BLOC1S1: variants seen among roughly 807,000 people sequenced by gnomAD.
The protein encoded by BLOC1S1 is biogenesis of lysosome-related organelles complex 1 subunit 1.
In BLOC1S1, 11 loss-of-function variants were observed where a neutral mutation model predicts 19.0. The ratio of observed to expected loss-of-function variants is 0.58; its 90% CI spans 0.37 to 0.96. The LOEUF is 0.96. Ranked by LOEUF, BLOC1S1 falls within the 40% of genes least tolerant of loss-of-function variation. BLOC1S1 has a pLI of 0.01. For synonymous variants in BLOC1S1, 94 were observed against 76.4 expected, an observed-to-expected ratio of 1.23 and a Z score of -1.20; for missense variants, 220 against 195.9, an observed-to-expected ratio of 1.12 and a Z score of -0.73.
intron 2 of BLOC1S1, among the ~76,000 whole-genome samples, chr12:55,717,661 C>T (rs577138814): frequency 6.6e-6 from 1 of 152,292 alleles, no homozygotes; most frequent in Admixed American, 6.5e-5. Flanking sequence ...AGTATGGTAC[C>T]TTCCACCCCA....
intron 1 of BLOC1S1, chr12:55,716,688 G>T: frequency 7.6e-7 from 1 of 1,308,340 alleles, no homozygotes; most frequent in African/African-American, 1.5e-5. Context: ...GGAGTCCTGG[G>T]CGCTGCCGCT....
chr12:55,718,954 T>C, intron 2 of BLOC1S1, 137 bp from the exon 3 acceptor site: 6 of 1,098,094 alleles, frequency 5.5e-6, no homozygotes, highest in Non-Finnish European at 7.7e-6. Flanking sequence ...CTGGTAGTCA[T>C]TTGCATCACA....
In BLOC1S1 at chr12:55,716,159, ACAC is replaced by A. The variant is rs1457325441; in HGVS notation, c.111_113del (p.His37del). 3 of 1,612,588 alleles carry A rather than the reference ACAC, an allele frequency of 1.9e-6. No individual in the cohort carries two copies. In the Admixed American group the frequency reaches 5.0e-5, roughly 27 times the overall value. On this transcript the variant is annotated inframe_deletion, in exon 1 of 4. Coordinates refer to ENST00000548925, the MANE Select transcript of BLOC1S1 (RefSeq NM_001487.4). ...CCATGCTGTCCCGCCTCCTAAAAGA[ACAC>A]CAGGCCAAGCAGAATGAACGCAAGG...
chr12:55,717,048 C>G, intron 2 of BLOC1S1, 43 bp downstream of exon 2: 1 of 1,523,772 alleles, frequency 6.6e-7, no homozygotes, highest in Non-Finnish European at 8.8e-7. Context: ...TTCCCCACCC[C>G]GCCCAAGTTT....
chr12:55,716,740 G>A, intron 1 of BLOC1S1, 193 bp from the exon 2 acceptor site: 1 of 1,285,118 alleles, frequency 7.8e-7, no homozygotes, highest in Non-Finnish European at 1.0e-6. Context: ...CCCTCCCAGG[G>A]TACCAGTTTC....
intron 1 of BLOC1S1, chr12:55,716,732 C>T: frequency 7.7e-7 from 1 of 1,294,178 alleles, no homozygotes; most frequent in East Asian, 3.2e-5. Context: ...GTCCATTTCC[C>T]TCCCAGGGTA....
rs761382706 is a variant in BLOC1S1 at position 55,717,005 on chromosome 12, G to T, written c.218G>T (p.Gly73Val). 1.5e-5 allele frequency: 23 copies of T among 1,585,090 alleles called. No individual in the cohort carries two copies. Among genetic ancestry groups the T allele is most frequent in the Non-Finnish European group, 2.0e-5 (23 of 1,167,414 alleles). ...GCTTTGGTGGATCACCTCAATGTGG[G>T]GTATGGACCTCTTATCAACATCAGT... The part of the protein sequence containing the change: ...TEALVDHLNV[G>V]VAQAYMNQRK... Residue 73 changes from glycine to valine, a missense_variant and splice_region_variant, in exon 2 of 4, where the codon GGT becomes GTT. By Grantham distance (109) the Gly-to-Val change is moderately radical. Transcript: ENST00000548925.
In BLOC1S1 at chr12:55,716,157, G is replaced by C. The variant is rs1342886795; in HGVS notation, c.106G>C (p.Glu36Gln). Residue 36 changes from glutamate (E) to glutamine (Q), a missense_variant, in exon 1 of 4, where the codon GAA becomes CAA. By Grantham distance (29) the Glu-to-Gln change is conservative. Coordinates refer to ENST00000548925, the MANE Select transcript of BLOC1S1 (RefSeq NM_001487.4). ...GACCATGCTGTCCCGCCTCCTAAAAGAACACCAGGCCAAGCAGAATGAACG... is the reference window on the plus strand; with the variant it reads ...GACCATGCTGTCCCGCCTCCTAAAACAACACCAGGCCAAGCAGAATGAACG... Reference protein sequence around the residue: ...DVTMLSRLLKEHQAKQNERKE... With the variant: ...DVTMLSRLLKQHQAKQNERKE... The C allele has an allele frequency of 6.2e-7, 1 of 1,612,484 alleles. No individual in the cohort carries two copies. The highest frequency in any genetic ancestry group is 8.5e-7 in the Non-Finnish European group (1 of 1,179,302).
At chr12:55,717,117 TC>T in intron 2 of BLOC1S1, 112 bp downstream of exon 2, 2 of 809,270 alleles carry the variant, frequency 2.5e-6, no homozygotes, top group Non-Finnish European at 3.8e-6. Flanking sequence ...TTCCACTAAT[TC>T]CCCTATCCTA....
rs1183039388 is a variant in BLOC1S1, at chr12:55,716,389, G to T, written c.145+193G>T. On this transcript the variant is annotated intron_variant, in intron 1 of 3. Transcript: ENST00000548925. Reference sequence around the variant, plus strand: ...TTGCCAACTGGCTCCGGTCCCTTGGGCAATACTCCGGTCCCCTCGGCAACG... The same window carrying T: ...TTGCCAACTGGCTCCGGTCCCTTGGTCAATACTCCGGTCCCCTCGGCAACG... 9 of 1,415,588 alleles carry T rather than the reference G, an allele frequency of 6.4e-6. No individual in the cohort carries two copies. In the South Asian group the frequency reaches 9.2e-5, roughly 15 times the overall value. 87.7% of individuals were successfully genotyped at this position (1,415,588 alleles called of 1,614,324 possible).
Position 55,716,182 on chromosome 12 carries a change from G to T in BLOC1S1, c.131G>T (p.Arg44Leu), listed in dbSNP as rs1445397217. 11 of 1,610,382 alleles carry T rather than the reference G, an allele frequency of 6.8e-6. No individual in the cohort carries two copies. Among genetic ancestry groups the T allele is most frequent in the African/African-American group, 1.3e-5 (1 of 74,768 alleles). Residue 44 changes from arginine to leucine, a missense_variant, in exon 1 of 4, where the codon CGC (arginine) becomes CTC (leucine). By Grantham distance (102) the Arg-to-Leu change is moderately radical. Coordinates refer to ENST00000548925, the MANE Select transcript of BLOC1S1 (RefSeq NM_001487.4). ...LKEHQAKQNE[R>L]KELQEKRRRE... The stretch of plus-strand genomic sequence containing the variant: ...GAACACCAGGCCAAGCAGAATGAAC[G>T]CAAGGAGCTGCAGGGTGAGCCAAAT...
chr12:55,716,216 G>C lies in BLOC1S1; in HGVS notation c.145+20G>C, dbSNP rs1204375418. On this transcript the variant is annotated intron_variant, in intron 1 of 3. Transcript: ENST00000548925. ...TGCAGGGTGAGCCAAATATCCTGTCGGCCGTTTTCTCTTCGGCCGCGGCCT... is the reference window on the plus strand; with the variant it reads ...TGCAGGGTGAGCCAAATATCCTGTCCGCCGTTTTCTCTTCGGCCGCGGCCT... 6.3e-7 allele frequency: 1 copy of C among 1,594,960 alleles called. No homozygotes were observed. Among genetic ancestry groups the C allele is most frequent in the East Asian group, 2.3e-5 (1 of 43,196 alleles).
Position 55,719,672 on chromosome 12 carries a change from G to T in BLOC1S1, c.*63G>T. 1 of 1,380,954 alleles carries T rather than the reference G, an allele frequency of 7.2e-7. No homozygotes were observed. Among genetic ancestry groups the T allele is most frequent in the South Asian group, 1.2e-5 (1 of 85,006 alleles). 85.5% of individuals were successfully genotyped at this position (1,380,954 alleles called of 1,614,324 possible). On this transcript the variant is annotated 3_prime_UTR_variant, in exon 4 of 4. Transcript: ENST00000548925. The stretch of plus-strand genomic sequence containing the variant: ...ACCCGCAGGGGGAAGGAGGGAGGCT[G>T]ACAAGCCTTGAATAAAACACAAGCC...
rs1219676862 is a variant in BLOC1S1 at position 55,719,198 on chromosome 12, TGGA to T, written c.328_330del (p.Glu110del). 18 of 1,613,634 alleles carry T rather than the reference TGGA, an allele frequency of 1.1e-5. No homozygotes were observed. Among genetic ancestry groups the T allele is most frequent in the Non-Finnish European group, 1.5e-5 (18 of 1,179,954 alleles). On this transcript the variant is annotated inframe_deletion, in exon 3 of 4. Transcript: ENST00000548925. ...CAGACAGGCCAGTGGATCGGAATGG[TGGA>T]GAACTTCAACCAGGCACTCAAGGTG...
At chr12:55,716,622 A>C in intron 1 of BLOC1S1, 1 of 1,234,090 alleles carries the variant, frequency 8.1e-7, no homozygotes, top group South Asian at 2.2e-5. Context: ...CGGGCTGGAA[A>C]TCTCGGAGTT....
intron 1 of BLOC1S1, 75 bp downstream of exon 1, chr12:55,716,271 A>C (rs907884029): frequency 4.5e-6 from 7 of 1,544,598 alleles, no homozygotes; most frequent in Admixed American, 2.1e-5. Context: ...GATCTCGAGT[A>C]ACTAACCATA....
chr12:55,718,940 T>A (rs746586010), intron 2 of BLOC1S1, 151 bp from the exon 3 acceptor site: 1 of 943,866 alleles, frequency 1.1e-6, no homozygotes, highest in South Asian at 1.7e-5. Flanking sequence ...TTTATTTGCA[T>A]GTACTGGTAG....
rs766747712 is a variant in BLOC1S1 at position 55,716,105 on chromosome 12, C to T, written c.54C>T (p.Pro18=). Residue 18 remains proline (P), a synonymous_variant, in exon 1 of 4, where the codon CCC becomes CCT. Coordinates refer to ENST00000548925, the MANE Select transcript of BLOC1S1 (RefSeq NM_001487.4). ...ERSSFRSRRG[P]GVPSPQPDVT... Reference sequence around the variant, plus strand: ...CCAGCTTCCGGAGCCGGAGGGGGCCCGGCGTACCCAGCCCCCAGCCCGACG... The same window carrying T: ...CCAGCTTCCGGAGCCGGAGGGGGCCTGGCGTACCCAGCCCCCAGCCCGACG... The T allele has an allele frequency of 3.1e-6, 5 of 1,601,272 alleles. No individual in the cohort carries two copies. Among genetic ancestry groups the T allele is most frequent in the East Asian group, 4.6e-5 (2 of 43,904 alleles).
At chr12:55,718,492 A>ATGTGTGTGTGTGTG (rs5798357) in intron 2 of BLOC1S1, among the ~76,000 whole-genome samples, 2 of 149,916 alleles carry the variant, frequency 1.3e-5, no homozygotes, top group South Asian at 2.1e-4. Context: ...GAGGGAGAGC[A>ATGTGTGTGTGTGTG]TGTGTGTGTG....
Sources: allele counts gnomAD v4.1 joint callset (sites outside exome capture counted in the v4.1 genomes callset), GRCh38; gene constraint gnomAD v4.1.1; transcripts MANE v1.5; gene names NCBI Gene and HGNC (gene_info 2026-07-23, HGNC 2026-07-21).